E2F2: variants seen among roughly 807,000 people sequenced by gnomAD.
E2F2 encodes the protein transcription factor E2F2.
A neutral mutation model predicts 42.2 loss-of-function variants in E2F2; 22 were observed. That is an observed-to-expected ratio of 0.52 (90% CI 0.37 to 0.74). The LOEUF is 0.74. Among genes scored for constraint, E2F2 ranks in the 30% least tolerant of loss-of-function variants. The probability of loss-of-function intolerance (pLI) is 0.00; values close to 1 mark genes in which losing one functional copy is unlikely to be tolerated. For synonymous variants in E2F2, 248 were observed against 251.6 expected (o/e 0.99, Z 0.13); for missense variants, 481 against 557.8 (o/e 0.86, Z 1.39).
intron 1 of E2F2, among the ~76,000 whole-genome samples, chr1:23,525,382 TG>T (rs1643234561): frequency 6.6e-6 from 1 of 152,214 alleles, no homozygotes; most frequent in Non-Finnish European, 1.5e-5. Context: ...GGGGCAGAGC[TG>T]GGGCACTGGG....
chr1:23,522,884 A>G (rs1558251841), intron 2 of E2F2, among the ~76,000 whole-genome samples: 1 of 152,180 alleles, frequency 6.6e-6, no homozygotes, highest in Non-Finnish European at 1.5e-5. Context: ...CCTGAATTTT[A>G]GAGTCTTAGG....
intron 6 of E2F2, among the ~76,000 whole-genome samples, chr1:23,511,470 G>A (rs1269644232): frequency 2.0e-5 from 3 of 151,312 alleles, no homozygotes; most frequent in East Asian, 1.9e-4. Context: ...TCCCAGGCTC[G>A]AGCAATCCTC....
rs760250765 is a variant in E2F2 at position 23,530,638 on chromosome 1, C to G, written c.156G>C (p.Thr52=). ...TGCCTGGCGCCGCTGCGGGAGGCGC[C>G]GTCTGCGGGTACAGCGGTGTGTAGT... ...ATYYTPLYPQ[T]APPAAAPGTC... Residue 52 remains threonine (T), a synonymous_variant, in exon 1 of 7, where the codon ACG becomes ACC. Coordinates refer to ENST00000361729, the MANE Select transcript of E2F2 (RefSeq NM_004091.4). This position sits in a 1 kb window ranked among gnomAD's most constrained non-coding sequence, Gnocchi z 4.4. 22 of 1,613,144 alleles carry G rather than the reference C, an allele frequency of 1.4e-5. No individual in the cohort carries two copies. The highest frequency in any genetic ancestry group is 1.8e-5 in the Non-Finnish European group (21 of 1,179,770).
At position 23,524,507 on chromosome 1, in the gene E2F2, A is replaced by C; in HGVS notation, c.253-19T>G. The C allele has an allele frequency of 1.2e-6, 2 of 1,608,140 alleles. No homozygotes were observed. The highest frequency in any genetic ancestry group is 1.7e-6 in the Non-Finnish European group (2 of 1,175,848). On this transcript the variant is annotated intron_variant, in intron 1 of 6. Coordinates refer to ENST00000361729, the MANE Select transcript of E2F2 (RefSeq NM_004091.4). ...TTTTGGCCTTGGAGAAAAGGGGGAG[A>C]GAGAGGCAGAGTTTGAGAATCATTC...
intron 1 of E2F2, among the ~76,000 whole-genome samples, chr1:23,529,551 C>G (rs951420516): frequency 2.4e-4 from 36 of 152,288 alleles, no homozygotes; most frequent in Middle Eastern, 3.4e-3. Flanking sequence ...TACAACACCC[C>G]CTTCCTCTCC....
rs1393126332 is a variant in E2F2 at position 23,509,743 on chromosome 1, G to A, written c.*137C>T. 1.4e-5 allele frequency: 20 copies of A among 1,397,398 alleles called. No individual in the cohort carries two copies. Among genetic ancestry groups the A allele is most frequent in the Middle Eastern group, 5.2e-4 (2 of 3,828 alleles). The allele number at this position is 1,397,398 out of a possible 1,614,324, so 86.6% of individuals were successfully genotyped here. A position where few individuals can be genotyped will look rare whatever the true frequency, so the allele number is the denominator to read the frequency against. On this transcript the variant is annotated 3_prime_UTR_variant, in exon 7 of 7. Transcript: ENST00000361729. The stretch of plus-strand genomic sequence containing the variant: ...CTCCCCACACAGCTTCTGCCGGCTG[G>A]GGCAGGAAAGGCGAGGAGACCCCAT...
At chr1:23,510,718 C>T (rs1236347822) in intron 6 of E2F2, among the ~76,000 whole-genome samples, 3 of 152,172 alleles carry the variant, frequency 2.0e-5, no homozygotes, top group African/African-American at 7.2e-5. Flanking sequence ...CTGTGTGATT[C>T]CACTTACATT....
Position 23,516,322 on chromosome 1 carries a change from A to G in E2F2, c.1045+13T>C, listed in dbSNP as rs758032175. On this transcript the variant is annotated intron_variant, in intron 6 of 6. Coordinates refer to ENST00000361729, the MANE Select transcript of E2F2 (RefSeq NM_004091.4). ...CTCCCCCCACCTCCTGTCCCTCTGGACAAGGGACCTACCTGAGGATGCTGT... is the reference window on the plus strand; with the variant it reads ...CTCCCCCCACCTCCTGTCCCTCTGGGCAAGGGACCTACCTGAGGATGCTGT... 2.7e-6 allele frequency: 4 copies of G among 1,506,284 alleles called. No homozygotes were observed. The highest frequency in any genetic ancestry group is 8.8e-7 in the Non-Finnish European group (1 of 1,131,014). 93.3% of individuals were successfully genotyped at this position (1,506,284 alleles called of 1,614,324 possible). A position where few individuals can be genotyped will look rare whatever the true frequency, so the allele number is the denominator to read the frequency against.
intron 3 of E2F2, 127 bp from the exon 4 acceptor site, chr1:23,521,198 G>T: frequency 8.8e-7 from 1 of 1,140,684 alleles, no homozygotes; most frequent in Non-Finnish European, 1.2e-6. Context: ...GTCTCTCAGG[G>T]AGCTACCAGG....
chr1:23,523,779 G>T (rs191823507), intron 2 of E2F2, among the ~76,000 whole-genome samples: 6 of 152,262 alleles, frequency 3.9e-5, no homozygotes, highest in Admixed American at 2.6e-4. Flanking sequence ...TATGGTAGAA[G>T]TAGTGCGAGA....
intron 6 of E2F2, among the ~76,000 whole-genome samples, chr1:23,513,020 C>A (rs977560945): frequency 6.6e-6 from 1 of 152,006 alleles, no homozygotes; most frequent in African/African-American, 2.4e-5. Flanking sequence ...ATCGTGTTGG[C>A]CAGGCTGGTC....
chr1:23,516,885 G>A (rs1189517506), intron 5 of E2F2, among the ~76,000 whole-genome samples: 1 of 151,634 alleles, frequency 6.6e-6, no homozygotes, highest in Non-Finnish European at 1.5e-5. Context: ...GATTGGTTCA[G>A]GATGGCCCAT....
intron 5 of E2F2, among the ~76,000 whole-genome samples, chr1:23,517,570 A>G (rs1295792256): frequency 6.6e-6 from 1 of 152,192 alleles, no homozygotes; most frequent in African/African-American, 2.4e-5. Context: ...TAAATAAATT[A>G]TTTCTTGAGT....
At chr1:23,511,455 C>T (rs3218202) in intron 6 of E2F2, among the ~76,000 whole-genome samples, 40 of 151,856 alleles carry the variant, frequency 2.6e-4, no homozygotes, top group African/African-American at 9.7e-4. Flanking sequence ...AGGCTGGTCT[C>T]GAACTCCCAG....
At position 23,516,437 on chromosome 1, in the gene E2F2, C is replaced by T. The variant is rs975472351; in HGVS notation, c.943G>A (p.Glu315Lys). The T allele has an allele frequency of 1.6e-5, 26 of 1,605,602 alleles. No individual in the cohort carries two copies. Among genetic ancestry groups the T allele is most frequent in the African/African-American group, 2.7e-5 (2 of 74,302 alleles). Reference sequence around the variant, plus strand: ...GTGGAGGTAGAGGGGAGAGGCTCCTCGGAAGGACTGTCCGGCTCCTGCACC... The same window carrying T: ...GTGGAGGTAGAGGGGAGAGGCTCCTTGGAAGGACTGTCCGGCTCCTGCACC... ...EEVQEPDSPS[E>K]EPLPSTSTLC... Residue 315 changes from glutamate (E) to lysine (K), a missense_variant, in exon 6 of 7, where the codon GAG (glutamate) becomes AAG (lysine). By Grantham distance (56) the Glu-to-Lys change is moderately conservative. Transcript: ENST00000361729.
intron 6 of E2F2, among the ~76,000 whole-genome samples, chr1:23,514,612 G>A (rs1461451318): frequency 6.6e-6 from 1 of 151,572 alleles, no homozygotes; most frequent in Non-Finnish European, 1.5e-5. Flanking sequence ...TGGATCACCT[G>A]AGGTCAAGGG....
chr1:23,523,783 T>C (rs949700318), intron 2 of E2F2, among the ~76,000 whole-genome samples: 1 of 152,126 alleles, frequency 6.6e-6, no homozygotes, highest in African/African-American at 2.4e-5. Flanking sequence ...GTAGAAGTAG[T>C]GCGAGACTGG....
chr1:23,515,344 C>G (rs1642997970), intron 6 of E2F2, among the ~76,000 whole-genome samples: 2 of 152,208 alleles, frequency 1.3e-5, no homozygotes, highest in Admixed American at 1.3e-4. Flanking sequence ...GTACTACCTT[C>G]CATCAGGGGT....
Position 23,524,107 on chromosome 1 carries a change from A to C in E2F2, c.358+276T>G, listed in dbSNP as rs555754566. ...ACAACAACAACAACAACAACAACAA[A>C]AAAAAACACAGAAGTAATGCAAGAT... is the stretch of plus-strand genomic sequence containing the variant. On this transcript the variant is annotated intron_variant, in intron 2 of 6. Coordinates refer to ENST00000361729, the MANE Select transcript of E2F2 (RefSeq NM_004091.4). Among the ~76,000 whole-genome samples, 137 of 130,390 alleles carry C rather than the reference A, an allele frequency of 1.1e-3. 2 individuals are homozygous for C. Among genetic ancestry groups the C allele is most frequent in the Admixed American group, 2.8e-3 (39 of 13,726 alleles). The allele number at this position is 130,390 out of a possible 152,430, so 85.5% of individuals were successfully genotyped here. A position where few individuals can be genotyped will look rare whatever the true frequency, so the allele number is the denominator to read the frequency against.
Sources: allele counts gnomAD v4.1 joint callset (sites outside exome capture counted in the v4.1 genomes callset), GRCh38; gene constraint gnomAD v4.1.1; non-coding constraint Gnocchi (gnomAD v3.1); transcripts MANE v1.5; gene names NCBI Gene and HGNC (gene_info 2026-07-23, HGNC 2026-07-21).